SMG6: variants seen among roughly 807,000 people sequenced by gnomAD.
The protein encoded by SMG6 is SMG6 nonsense mediated mRNA decay factor.
In SMG6, 66 loss-of-function variants were observed where a neutral mutation model predicts 142.2. That is an observed-to-expected ratio of 0.46 (90% CI 0.38 to 0.57). The LOEUF (loss-of-function observed/expected upper bound fraction) is 0.57. Ranked by LOEUF, SMG6 falls within the 20% of genes least tolerant of loss-of-function variation. The probability of loss-of-function intolerance (pLI) is 0.00; values close to 1 mark genes in which losing one functional copy is unlikely to be tolerated. For synonymous variants in SMG6, 779 were observed against 702.4 expected (o/e 1.11, Z -1.72); for missense variants, 1,793 against 1,832.0 (o/e 0.98, Z 0.39).
chr17:2,110,428 G>A (rs1333854546), intron 13 of SMG6, among the ~76,000 whole-genome samples: 1 of 152,132 alleles, frequency 6.6e-6, no homozygotes, highest in African/African-American at 2.4e-5. Flanking sequence ...CTCTCTCTAT[G>A]CCTTTTATAG....
chr17:2,198,392 T>G (rs2072399769), intron 10 of SMG6, among the ~76,000 whole-genome samples: 1 of 152,038 alleles, frequency 6.6e-6, no homozygotes, highest in Non-Finnish European at 1.5e-5. Context: ...GAGCTTTGAG[T>G]GTTGGGAAAG....
intron 8 of SMG6, among the ~76,000 whole-genome samples, chr17:2,247,431 G>A (rs560658585): frequency 7.9e-5 from 12 of 152,242 alleles, no homozygotes; most frequent in African/African-American, 2.9e-4. Flanking sequence ...ATAATCAGAA[G>A]GAATCCCTTA....
chr17:2,171,816 T>C (rs888210254), intron 13 of SMG6, among the ~76,000 whole-genome samples: 1 of 151,988 alleles, frequency 6.6e-6, no homozygotes, highest in Non-Finnish European at 1.5e-5. Flanking sequence ...AGAAGACATT[T>C]GTGGAGCCTC....
intron 5 of SMG6, 107 bp downstream of exon 5, chr17:2,292,764 G>A (rs895543914): frequency 1.0e-5 from 14 of 1,370,594 alleles, no homozygotes; most frequent in Non-Finnish European, 1.3e-5. Context: ...ATGACTACAG[G>A]GACCAATAGG....
intron 15 of SMG6, 58 bp downstream of exon 15, chr17:2,081,752 C>T (rs937166576): frequency 5.0e-6 from 8 of 1,598,720 alleles, no homozygotes; most frequent in Non-Finnish European, 6.8e-6. Flanking sequence ...CCCACATCCT[C>T]TCATGCCCTA....
At position 2,282,694 on chromosome 17, in the gene SMG6, T is replaced by C; in HGVS notation, c.2614A>G (p.Lys872Glu). Reference sequence around the variant, plus strand: ...AGCCCATTCTCTTGCTCAGAATCCTTCCCAGACTCAGTGCCCTGGGAAGAC... The same window carrying C: ...AGCCCATTCTCTTGCTCAGAATCCTCCCCAGACTCAGTGCCCTGGGAAGAC... ...PRSSQGTESG[K>E]DSEQENGLGS... Residue 872 changes from lysine (K) to glutamate (E), a missense_variant, in exon 8 of 19, where the codon AAG becomes GAG. Lys to Glu is a moderately conservative substitution (Grantham distance 56). Coordinates refer to ENST00000263073, the MANE Select transcript of SMG6 (RefSeq NM_017575.5). The C allele has an allele frequency of 6.2e-7, 1 of 1,614,050 alleles. No homozygotes were observed. The highest frequency in any genetic ancestry group is 1.1e-5 in the South Asian group (1 of 91,072).
intron 9 of SMG6, chr17:2,237,392 A>T: frequency 2.0e-6 from 1 of 494,470 alleles, no homozygotes; most frequent in Non-Finnish European, 2.6e-6. Flanking sequence ...CCAAGCGTTT[A>T]CTTTAGGTAA....
At chr17:2,250,729 G>A (rs752386231) in intron 8 of SMG6, among the ~76,000 whole-genome samples, 6 of 151,920 alleles carry the variant, frequency 3.9e-5, no homozygotes, top group Non-Finnish European at 8.8e-5. Flanking sequence ...TTTAGAAAAG[G>A]GATCTATCCT....
chr17:2,215,540 A>T (rs964448655), intron 10 of SMG6: 1 of 152,170 alleles, frequency 6.6e-6, no homozygotes, highest in Non-Finnish European at 1.5e-5. Context: ...TCCTCAGGAA[A>T]TACACCAGAT....
At chr17:2,158,937 C>T (rs934459349) in intron 13 of SMG6, among the ~76,000 whole-genome samples, 6 of 142,908 alleles carry the variant, frequency 4.2e-5, no homozygotes, top group Non-Finnish European at 9.1e-5. Context: ...TCACAGACCA[C>T]GAGAAATATT....
At chr17:2,088,165 CACAT>C in intron 13 of SMG6, 1 of 985,388 alleles carries the variant, frequency 1.0e-6, no homozygotes, top group Non-Finnish European at 1.2e-6. Flanking sequence ...GTGCCACGGA[CACAT>C]GCACAGACAG....
At chr17:2,157,175 C>T (rs1443074442) in intron 13 of SMG6, among the ~76,000 whole-genome samples, 1 of 152,140 alleles carries the variant, frequency 6.6e-6, no homozygotes, top group East Asian at 1.9e-4. Flanking sequence ...CACGGGGCCA[C>T]CCATGACACA....
intron 14 of SMG6, among the ~76,000 whole-genome samples, chr17:2,084,396 G>C (rs767240568): frequency 5.3e-5 from 8 of 152,216 alleles, no homozygotes; most frequent in Non-Finnish European, 7.3e-5. Context: ...CATCTGGAGA[G>C]TCTGGAATCC....
rs1220790804 is a variant in SMG6 at position 2,133,823 on chromosome 17, C to G, written c.3357+38835G>C. Among the ~76,000 whole-genome samples the G allele has an allele frequency of 2.0e-5, 3 of 152,162 alleles. No homozygotes were observed. The East Asian group carries it at 5.8e-4, about 29-fold the overall frequency. On this transcript the variant is annotated intron_variant, in intron 13 of 18. Coordinates refer to ENST00000263073, the MANE Select transcript of SMG6 (RefSeq NM_017575.5). Reference sequence around the variant, plus strand: ...TTTACGTAAAACCTTGAAGAAGTCTCTTTAAATATATGGGGCATACCCTTT... The same window carrying G: ...TTTACGTAAAACCTTGAAGAAGTCTGTTTAAATATATGGGGCATACCCTTT...
chr17:2,274,756 G>C (rs1313790473), intron 8 of SMG6, among the ~76,000 whole-genome samples: 1 of 152,150 alleles, frequency 6.6e-6, no homozygotes, highest in Non-Finnish European at 1.5e-5. Flanking sequence ...TAGTCACAGT[G>C]GCTTGGAGAA....
At chr17:2,187,228 T>C (rs1425227992) in intron 11 of SMG6, among the ~76,000 whole-genome samples, 3 of 152,190 alleles carry the variant, frequency 2.0e-5, no homozygotes, top group Non-Finnish European at 2.9e-5. Flanking sequence ...AAATGCTTCA[T>C]ATTCTTCAAA....
chr17:2,105,185 C>G (rs1210376208), intron 13 of SMG6, among the ~76,000 whole-genome samples: 1 of 150,890 alleles, frequency 6.6e-6, no homozygotes, highest in Non-Finnish European at 1.5e-5. Context: ...CCTCGACCTC[C>G]CAAAGTGCTG....
intron 13 of SMG6, among the ~76,000 whole-genome samples, chr17:2,099,325 CTT>C (rs1288940183): frequency 6.6e-6 from 1 of 152,090 alleles, no homozygotes; most frequent in Admixed American, 6.6e-5. Context: ...AGGGACTCCT[CTT>C]TGACAGGCTG....
At position 2,065,631 on chromosome 17, in the gene SMG6, C is replaced by T. The variant is rs759697852; in HGVS notation, c.3884G>A (p.Arg1295Gln). Residue 1295 changes from arginine (R) to glutamine (Q), a missense_variant, in exon 17 of 19, where the codon CGG becomes CAG. Coordinates refer to ENST00000263073, the MANE Select transcript of SMG6 (RefSeq NM_017575.5). ...TACCACACGGGCGTAGCCCCCAGCC[C>T]GGTGGTCTGTCTCCTGCCCCTTGGC... ...GLAKGQETDHRAGGYARVVQE... is the reference protein window; with the variant it reads ...GLAKGQETDHQAGGYARVVQE... The T allele has an allele frequency of 5.6e-6, 9 of 1,613,828 alleles. No homozygotes were observed. The highest frequency in any genetic ancestry group is 4.5e-5 in the East Asian group (2 of 44,896).
Sources: allele counts gnomAD v4.1 joint callset (sites outside exome capture counted in the v4.1 genomes callset), GRCh38; gene constraint gnomAD v4.1.1; transcripts MANE v1.5; gene names NCBI Gene and HGNC (gene_info 2026-07-23, HGNC 2026-07-21).